ABTB3: variants seen among roughly 807,000 people sequenced by gnomAD.
ABTB3 encodes ankyrin repeat- and BTB/POZ domain-containing protein 3.
chr12:107,643,770 T>G, the ABTB3 span, among the ~76,000 whole-genome samples: 210 of 140,196 alleles, frequency 1.5e-3, no homozygotes, highest in African/African-American at 1.5e-3. Context: ...TTTTTTTTTT[T>G]GTTGAGAGAG....
chr12:107,463,545 C>T, the ABTB3 span, among the ~76,000 whole-genome samples: 1 of 152,246 alleles, frequency 6.6e-6, no homozygotes, highest in East Asian at 1.9e-4. Context: ...CGGGGTTAAG[C>T]AACTTGACCA....
At chr12:107,617,602 C>A in the ABTB3 span, 3 of 782,032 alleles carry the variant, frequency 3.8e-6, no homozygotes, top group East Asian at 5.4e-5. Flanking sequence ...TGCCAGCTGA[C>A]AGCCAACTCC....
At chr12:107,319,740 G>T in the ABTB3 span, 2 of 1,525,740 alleles carry the variant, frequency 1.3e-6, no homozygotes, top group African/African-American at 1.4e-5. Context: ...CCTGGGTCAG[G>T]CTCGGGCTCC....
chr12:107,486,727 T>C, the ABTB3 span: 2 of 142,036 alleles, frequency 1.4e-5, no homozygotes, highest in Non-Finnish European at 3.0e-5. Flanking sequence ...CAAGGGGCTC[T>C]TAATAGCCAA....
the ABTB3 span, among the ~76,000 whole-genome samples, chr12:107,475,846 A>C: frequency 6.6e-6 from 1 of 152,028 alleles, no homozygotes; most frequent in Non-Finnish European, 1.5e-5. Context: ...ACTGTGGATG[A>C]ATTTTTGACA....
the ABTB3 span, among the ~76,000 whole-genome samples, chr12:107,472,105 G>GTACA: frequency 1.3e-5 from 2 of 152,164 alleles, no homozygotes; most frequent in African/African-American, 4.8e-5. Flanking sequence ...AGGGGCTCTT[G>GTACA]TACATGTCTG....
the ABTB3 span, among the ~76,000 whole-genome samples, chr12:107,532,579 C>T: frequency 6.6e-6 from 1 of 152,168 alleles, no homozygotes. Flanking sequence ...TTAGAAAAAG[C>T]ACCTGCATAG....
the ABTB3 span, among the ~76,000 whole-genome samples, chr12:107,635,736 C>G: frequency 2.6e-5 from 4 of 152,158 alleles, no homozygotes; most frequent in African/African-American, 9.6e-5. Flanking sequence ...CCAAACTCTC[C>G]CCTCTAAAAG....
the ABTB3 span, among the ~76,000 whole-genome samples, chr12:107,531,969 A>G: frequency 6.6e-6 from 1 of 152,206 alleles, no homozygotes; most frequent in African/African-American, 2.4e-5. Context: ...ACCATGGGGA[A>G]CAGGCGGTCT....
At chr12:107,452,051 T>C in the ABTB3 span, among the ~76,000 whole-genome samples, 1 of 152,158 alleles carries the variant, frequency 6.6e-6, no homozygotes, top group Non-Finnish European at 1.5e-5. Flanking sequence ...TTTACTTCTC[T>C]GCCTCTTGCA....
the ABTB3 span, among the ~76,000 whole-genome samples, chr12:107,537,952 G>T: frequency 1.3e-4 from 20 of 152,156 alleles, no homozygotes; most frequent in African/African-American, 4.6e-4. Context: ...TATGGCTGGG[G>T]CTGCCTTGGA....
chr12:107,533,677 A>C, the ABTB3 span, among the ~76,000 whole-genome samples: 1 of 152,222 alleles, frequency 6.6e-6, no homozygotes, highest in Admixed American at 6.5e-5. Context: ...CAATAATAGT[A>C]GGGGACTTCA....
chr12:107,423,659 T>C, the ABTB3 span, among the ~76,000 whole-genome samples: 42,282 of 151,960 alleles, frequency 0.28, 7,220 homozygotes, highest in African/African-American at 0.47. Context: ...CAAATGACCC[T>C]GGACATCAGG....
chr12:107,629,659 C>A, the ABTB3 span, among the ~76,000 whole-genome samples: 22 of 144,374 alleles, frequency 1.5e-4, no homozygotes, highest in African/African-American at 5.7e-4. Context: ...CCAGGTCAGA[C>A]CCTGCATGTG....
At chr12:107,504,321 G>A in the ABTB3 span, among the ~76,000 whole-genome samples, 4 of 152,076 alleles carry the variant, frequency 2.6e-5, no homozygotes, top group Non-Finnish European at 4.4e-5. Context: ...TCTACACTAC[G>A]TTAACAGCAG....
chr12:107,653,312 C>T, the ABTB3 span, among the ~76,000 whole-genome samples: 3 of 152,026 alleles, frequency 2.0e-5, no homozygotes, highest in Non-Finnish European at 2.9e-5. Flanking sequence ...GTCAGGAGAT[C>T]GAGACCATCC....
chr12:107,390,343 C>G, the ABTB3 span, among the ~76,000 whole-genome samples: 158 of 152,350 alleles, frequency 1.0e-3, no homozygotes, highest in African/African-American at 3.7e-3. Flanking sequence ...TACTTAATAA[C>G]TTGCCCAAGG....
the ABTB3 span, among the ~76,000 whole-genome samples, chr12:107,427,693 A>G: frequency 6.6e-6 from 1 of 152,176 alleles, no homozygotes; most frequent in Non-Finnish European, 1.5e-5. Context: ...AGATTAGTTC[A>G]TCATTGGGGT....
chr12:107,560,492 T>C, the ABTB3 span, among the ~76,000 whole-genome samples: 1 of 152,082 alleles, frequency 6.6e-6, no homozygotes, highest in Non-Finnish European at 1.5e-5. Context: ...GCCTGCAAGC[T>C]TTCTAGAGCA....
Sources: gnomAD v4.1 joint callset for allele counts (sites outside exome capture counted in the v4.1 genomes callset) on GRCh38, gnomAD v4.1.1 for gene constraint, MANE v1.5 for transcripts, NCBI Gene and HGNC (gene_info 2026-07-23, HGNC 2026-07-21) for gene names.